The following SLC13A4 variants were observed in gnomAD, a reference collection of about 807,000 sequenced individuals.
SLC13A4 encodes Na(+)/sulfate cotransporter SUT-1.
In SLC13A4, 28 loss-of-function variants were observed where a neutral mutation model predicts 72.7. The ratio of observed to expected loss-of-function variants is 0.39; its 90% CI spans 0.29 to 0.53. The LOEUF is 0.53. Among genes scored for constraint, SLC13A4 ranks in the 20% least tolerant of loss-of-function variants. SLC13A4 has a pLI of 0.78. For synonymous variants in SLC13A4, 312 were observed against 325.5 expected (o/e 0.96, Z 0.45); for missense variants, 653 against 788.0 (o/e 0.83, Z 2.05).
intron 13 of SLC13A4, among the ~76,000 whole-genome samples, chr7:135,687,548 A>G (rs556423642): frequency 6.6e-6 from 1 of 152,220 alleles, no homozygotes; most frequent in African/African-American, 2.4e-5. Context: ...TTCACCTTGT[A>G]GAACTTTTCT....
At chr7:135,714,821 G>A (rs1031533689) in intron 2 of SLC13A4, among the ~76,000 whole-genome samples, 1 of 152,242 alleles carries the variant, frequency 6.6e-6, no homozygotes, top group Non-Finnish European at 1.5e-5. Flanking sequence ...GCACCAGGCG[G>A]CAGCGGCTGC....
chr7:135,710,136 A>AT (rs1279271946), intron 2 of SLC13A4, among the ~76,000 whole-genome samples: 1 of 152,240 alleles, frequency 6.6e-6, no homozygotes, highest in East Asian at 1.9e-4. Context: ...AAACAAGAAC[A>AT]TTTTTAACTG....
rs1006991256 is a variant in SLC13A4, at chr7:135,692,765, C to T, written c.1122-341G>A. On this transcript the variant is annotated intron_variant, in intron 10 of 15. Coordinates refer to ENST00000682651, the MANE Select transcript of SLC13A4 (RefSeq NM_001318192.2). ...TGGTGGGAGGAGGAATTGCTACAACCTTTTTGAGGCCATTTGATGATACAC... is the reference window on the plus strand; with the variant it reads ...TGGTGGGAGGAGGAATTGCTACAACTTTTTTGAGGCCATTTGATGATACAC... 3.7e-5 allele frequency: 8 copies of T among 214,352 alleles called. No individual in the cohort carries two copies. In the Admixed American group the frequency reaches 3.9e-4, roughly 10 times the overall value. The allele number at this position is 214,352 out of a possible 1,614,324, so 13.3% of individuals were successfully genotyped here. A position where few individuals can be genotyped will look rare whatever the true frequency, so the allele number is the denominator to read the frequency against.
At chr7:135,702,680 T>C (rs1796066241) in intron 6 of SLC13A4, 165 bp downstream of exon 6, 1 of 677,710 alleles carries the variant, frequency 1.5e-6, no homozygotes, top group Non-Finnish European at 2.6e-6. Context: ...CCAGCCAATG[T>C]GTCCTTTTTA....
At chr7:135,721,366 G>A in intron 2 of SLC13A4, 29 bp downstream of exon 2, 1 of 1,612,600 alleles carries the variant, frequency 6.2e-7, no homozygotes, top group Non-Finnish European at 8.5e-7. Flanking sequence ...AGGGACCCAG[G>A]CAGGGGGTGG....
In SLC13A4 at chr7:135,715,365, G is replaced by A. The variant is rs539308581; in HGVS notation, c.228+6030C>T. 5.0e-5 allele frequency among the ~76,000 whole-genome samples: 5 copies of A among 100,214 alleles called. No individual in the cohort carries two copies. The East Asian group carries it at 1.1e-3, about 23-fold the overall frequency. The allele number at this position is 100,214 out of a possible 152,430, so 65.7% of individuals were successfully genotyped here. ...TATGTGAGCGTGTGTATGAGTGTAT[G>A]TGTATGAGTGTGTGAGTGTGTATGT... On this transcript the variant is annotated intron_variant, in intron 2 of 15. Transcript: ENST00000682651.
intron 2 of SLC13A4, among the ~76,000 whole-genome samples, chr7:135,712,147 C>T (rs1584735478): frequency 6.6e-6 from 1 of 151,536 alleles, no homozygotes; most frequent in East Asian, 1.9e-4. Context: ...TTTTTATCTT[C>T]ATTTATAATC....
chr7:135,681,774 TC>T (rs1795508331), intron 15 of SLC13A4, 74 bp from the exon 16 acceptor site: 8 of 1,561,852 alleles, frequency 5.1e-6, no homozygotes, highest in South Asian at 3.7e-5. Flanking sequence ...CCCCTTCTGT[TC>T]CTGCAGCCTA....
At chr7:135,714,960 G>T (rs1338928472) in intron 2 of SLC13A4, among the ~76,000 whole-genome samples, 2 of 151,458 alleles carry the variant, frequency 1.3e-5, no homozygotes, top group African/African-American at 4.9e-5. Flanking sequence ...GAGAGTGTGT[G>T]TGAGTGTGTA....
intron 2 of SLC13A4, among the ~76,000 whole-genome samples, chr7:135,711,009 G>A (rs1315231831): frequency 6.6e-6 from 1 of 151,534 alleles, no homozygotes; most frequent in Non-Finnish European, 1.5e-5. Flanking sequence ...GTGGGGTTGG[G>A]GGAGCGGCCC....
intron 13 of SLC13A4, among the ~76,000 whole-genome samples, chr7:135,686,290 C>T (rs1795622220): frequency 6.6e-6 from 1 of 152,136 alleles, no homozygotes; most frequent in Non-Finnish European, 1.5e-5. Flanking sequence ...CTCTTAAGTG[C>T]CATAGAGGCT....
In SLC13A4 at chr7:135,684,222, G is replaced by A; in HGVS notation, c.1648C>T (p.Pro550Ser). 1 of 1,612,936 alleles carries A rather than the reference G, an allele frequency of 6.2e-7. No homozygotes were observed. Among genetic ancestry groups the A allele is most frequent in the Non-Finnish European group, 8.5e-7 (1 of 1,179,320 alleles). Reference protein sequence around the residue: ...LHINPLYTLIPVTMCISFAVM... With the variant: ...LHINPLYTLISVTMCISFAVM... ...GCAAAGGAGATGCACATGGTGACTGGGATCAGGGTGTAGAGGGGGTTAATG... is the reference window on the plus strand; with the variant it reads ...GCAAAGGAGATGCACATGGTGACTGAGATCAGGGTGTAGAGGGGGTTAATG... The change falls in exon 15 of 16, where the codon CCA (proline) becomes TCA (serine). Residue 550 changes from proline (P) to serine (S), a missense_variant. By Grantham distance (74) the Pro-to-Ser change is moderately conservative (BLOSUM62 -1). Coordinates refer to ENST00000682651, the MANE Select transcript of SLC13A4 (RefSeq NM_001318192.2).
intron 8 of SLC13A4, among the ~76,000 whole-genome samples, chr7:135,697,156 C>T (rs1161240262): frequency 6.6e-6 from 1 of 152,268 alleles, no homozygotes; most frequent in Non-Finnish European, 1.5e-5. Flanking sequence ...AGCGTGACGC[C>T]TGTCTGGGCA....
chr7:135,727,216 G>A (rs1796680665), intron 1 of SLC13A4, among the ~76,000 whole-genome samples, 182 bp downstream of exon 1: 1 of 152,228 alleles, frequency 6.6e-6, no homozygotes, highest in African/African-American at 2.4e-5. Context: ...GATAGGAGAT[G>A]AACATGACAG....
chr7:135,716,324 AG>A lies in SLC13A4; in HGVS notation c.228+5070del, dbSNP rs1796434223. 2.0e-5 allele frequency among the ~76,000 whole-genome samples: 3 copies of A among 152,166 alleles called. No homozygotes were observed. The South Asian group carries it at 6.2e-4, about 31-fold the overall frequency. On this transcript the variant is annotated intron_variant, in intron 2 of 15. Coordinates refer to ENST00000682651, the MANE Select transcript of SLC13A4 (RefSeq NM_001318192.2). The stretch of plus-strand genomic sequence containing the variant: ...TTTTAAAATTAAAAAAAATTTTTTT[AG>A]ATGGAGCCTAGCTCTGTCATCCAGG...
At chr7:135,716,309 A>T (rs915950757) in intron 2 of SLC13A4, among the ~76,000 whole-genome samples, 9 of 152,114 alleles carry the variant, frequency 5.9e-5, no homozygotes, top group Non-Finnish European at 1.2e-4. Flanking sequence ...TTTTAAAATT[A>T]AAAAAAATTT....
intron 8 of SLC13A4, 67 bp downstream of exon 8, chr7:135,699,297 C>A: frequency 7.1e-7 from 1 of 1,409,096 alleles, no homozygotes. Context: ...ATATCTCTAG[C>A]ACCTAGTCCA....
intron 8 of SLC13A4, among the ~76,000 whole-genome samples, chr7:135,697,570 T>C (rs1196966761): frequency 6.6e-6 from 1 of 151,156 alleles, no homozygotes; most frequent in African/African-American, 2.4e-5. Flanking sequence ...TGGTTTCTCC[T>C]TTCCAATCTG....
At chr7:135,706,375 C>A (rs1423625686) in intron 3 of SLC13A4, 75 bp from the exon 4 acceptor site, 2 of 1,467,802 alleles carry the variant, frequency 1.4e-6, no homozygotes, top group African/African-American at 1.4e-5. Context: ...GGCCTCCTAC[C>A]AACCTGCTGG....
Sources: gnomAD v4.1 joint callset for allele counts (sites outside exome capture counted in the v4.1 genomes callset) on GRCh38, gnomAD v4.1.1 for gene constraint, MANE v1.5 for transcripts, NCBI Gene and HGNC (gene_info 2026-07-23, HGNC 2026-07-21) for gene names.